EYA4: variants seen among roughly 807,000 people sequenced by gnomAD.
EYA4 encodes the protein protein phosphatase EYA4.
Under a neutral mutation model 87.9 loss-of-function variants are expected in EYA4, and 31 were observed. That is an observed-to-expected ratio of 0.35 (90% confidence interval 0.27 to 0.48). The LOEUF (loss-of-function observed/expected upper bound fraction) is 0.48. Ranked by LOEUF, EYA4 falls within the 20% of genes least tolerant of loss-of-function variation. The probability of loss-of-function intolerance (pLI) is 0.99; values close to 1 mark genes in which losing one functional copy is unlikely to be tolerated. For missense variants in EYA4, 678 were observed against 761.4 expected, an observed-to-expected ratio of 0.89 and a Z score of 1.29; for synonymous variants, 263 against 270.6, an observed-to-expected ratio of 0.97 and a Z score of 0.28.
chr6:133,410,853 C>A (rs58512026), intron 3 of EYA4, among the ~76,000 whole-genome samples: 4,889 of 151,982 alleles, frequency 0.032, 257 homozygotes, highest in East Asian at 0.22. Flanking sequence ...ATTTTGTAGT[C>A]TTCAGGCATG....
chr6:133,324,601 A>G (rs962871583), intron 2 of EYA4, among the ~76,000 whole-genome samples: 1 of 152,022 alleles, frequency 6.6e-6, no homozygotes, highest in African/African-American at 2.4e-5. Context: ...AAGTTATTCT[A>G]TTATGTGTCT....
At chr6:133,339,503 G>A (rs1306928784) in intron 2 of EYA4, among the ~76,000 whole-genome samples, 1 of 152,184 alleles carries the variant, frequency 6.6e-6, no homozygotes, top group Admixed American at 6.5e-5. Flanking sequence ...GATAACATGT[G>A]TCTGTAAAGC....
At chr6:133,358,632 T>C (rs1029583218) in intron 2 of EYA4, among the ~76,000 whole-genome samples, 3 of 152,248 alleles carry the variant, frequency 2.0e-5, no homozygotes, top group African/African-American at 7.2e-5. Flanking sequence ...TGCACGGGTA[T>C]TATTGCCTTA....
chr6:133,487,082 G>C (rs544419317), intron 13 of EYA4, among the ~76,000 whole-genome samples: 3 of 152,320 alleles, frequency 2.0e-5, no homozygotes, highest in East Asian at 3.9e-4. Context: ...TGTGCACTTG[G>C]GGGAGGGAGA....
rs558014301 is a variant in EYA4, at chr6:133,486,143, T to A, written c.1191+3028T>A. ...AAGTGTTTTTAGGCTATATTTTTTT[T>A]AATAAAAACAAAAACATCCTTGTCG... On this transcript the variant is annotated intron_variant, in intron 13 of 19. Transcript: ENST00000355286. Among the ~76,000 whole-genome samples the A allele has an allele frequency of 2.1e-4, 32 of 152,304 alleles. No homozygotes were observed. In the South Asian group the frequency reaches 5.6e-3, roughly 27 times the overall value.
chr6:133,461,025 T>C (rs1045355662), intron 6 of EYA4, 89 bp from the exon 7 acceptor site: 8 of 871,842 alleles, frequency 9.2e-6, no homozygotes, highest in Non-Finnish European at 1.4e-5. Flanking sequence ...GTATTTAACA[T>C]GGTAATTTCT....
intron 3 of EYA4, among the ~76,000 whole-genome samples, chr6:133,388,014 A>G (rs1583141840): frequency 6.6e-6 from 1 of 152,118 alleles, no homozygotes; most frequent in East Asian, 1.9e-4. Flanking sequence ...TAGCTGACCT[A>G]TCTTGATCCT....
intron 13 of EYA4, among the ~76,000 whole-genome samples, chr6:133,503,029 C>T (rs759813684): frequency 7.3e-4 from 111 of 152,162 alleles, no homozygotes; most frequent in Non-Finnish European, 1.4e-3. Context: ...AATGACCAGC[C>T]CTCCCAGTGC....
chr6:133,251,616 T>C (rs1774909444), intron 1 of EYA4, among the ~76,000 whole-genome samples: 1 of 152,208 alleles, frequency 6.6e-6, no homozygotes, highest in Non-Finnish European at 1.5e-5. Context: ...TTTTTCAAGC[T>C]CTGGTTATTG....
chr6:133,472,749 G>C (rs1488227833), intron 11 of EYA4, among the ~76,000 whole-genome samples: 3 of 108,142 alleles, frequency 2.8e-5, no homozygotes, highest in Admixed American at 1.0e-4. Flanking sequence ...GTAGGTCACT[G>C]AGGACTTGCT....
At chr6:133,425,323 A>G (rs768785586) in intron 3 of EYA4, among the ~76,000 whole-genome samples, 3 of 150,600 alleles carry the variant, frequency 2.0e-5, no homozygotes, top group African/African-American at 5.0e-5. Context: ...AAAATCTGCA[A>G]TCTAATTAGG....
intron 2 of EYA4, chr6:133,360,680 G>C: frequency 6.6e-6 from 1 of 152,220 alleles, no homozygotes; most frequent in Middle Eastern, 3.2e-3. Context: ...GGTATGGAGA[G>C]TGAGGGGAGC....
chr6:133,393,447 C>T (rs560033266), intron 3 of EYA4, among the ~76,000 whole-genome samples: 107 of 152,020 alleles, frequency 7.0e-4, no homozygotes, highest in African/African-American at 2.3e-3. Context: ...AGGAACATTG[C>T]GGAGGGGAAT....
intron 11 of EYA4, among the ~76,000 whole-genome samples, chr6:133,476,314 C>T (rs1195581941): frequency 5.9e-5 from 9 of 151,960 alleles, no homozygotes; most frequent in East Asian, 1.9e-4. Flanking sequence ...ATTGTTACTA[C>T]GTATAGTAAC....
chr6:133,356,086 G>A (rs1043431836), intron 2 of EYA4, among the ~76,000 whole-genome samples: 3 of 151,990 alleles, frequency 2.0e-5, no homozygotes, highest in East Asian at 3.9e-4. Context: ...AGAGAAAAGA[G>A]TGTGCTCCTG....
chr6:133,355,588 A>C (rs1783955375), intron 2 of EYA4, among the ~76,000 whole-genome samples: 1 of 152,198 alleles, frequency 6.6e-6, no homozygotes. Context: ...TAATGATTGC[A>C]GTTTCCTGGG....
intron 4 of EYA4, 69 bp from the exon 5 acceptor site, chr6:133,448,042 A>T: frequency 3.4e-6 from 4 of 1,191,228 alleles, no homozygotes; most frequent in Admixed American, 1.7e-5. Context: ...CAGTGCAAGC[A>T]TTGAAGATTA....
At chr6:133,402,959 A>G (rs750317590) in intron 3 of EYA4, among the ~76,000 whole-genome samples, 6 of 151,958 alleles carry the variant, frequency 3.9e-5, no homozygotes, top group Non-Finnish European at 8.8e-5. Context: ...TCCAGCACCC[A>G]CTCTACCAAC....
intron 2 of EYA4, among the ~76,000 whole-genome samples, chr6:133,380,169 C>T (rs1252510180): frequency 4.6e-5 from 7 of 152,162 alleles, no homozygotes; most frequent in African/African-American, 1.7e-4. Context: ...TATTATTCTT[C>T]TCTCATTTGA....
Sources: allele counts gnomAD v4.1 joint callset (sites outside exome capture counted in the v4.1 genomes callset), GRCh38; gene constraint gnomAD v4.1.1; transcripts MANE v1.5; gene names NCBI Gene and HGNC (gene_info 2026-07-23, HGNC 2026-07-21).